Variants in SMC1B observed in about 807,000 individuals in gnomAD.
The protein encoded by SMC1B is structural maintenance of chromosomes 1B, also known as structural maintenance of chromosomes protein 1B.
SMC1B carries 60 observed loss-of-function variants against 157.9 expected under a neutral mutation model. The ratio of observed to expected loss-of-function variants is 0.38; its 90% confidence interval spans 0.31 to 0.47. SMC1B has a LOEUF of 0.47. Among genes scored for constraint, SMC1B ranks in the 20% least tolerant of loss-of-function variants. The pLI, the probability that SMC1B is intolerant of heterozygous loss-of-function variation, is 0.99. For missense variants in SMC1B, 1,165 were observed against 1,426.2 expected, an observed-to-expected ratio of 0.82 and a Z score of 2.95; for synonymous variants, 445 against 483.0, an observed-to-expected ratio of 0.92 and a Z score of 1.03.
intron 6 of SMC1B, 147 bp from the exon 7 acceptor site, chr22:45,396,633 G>A (rs940991962): frequency 2.5e-5 from 12 of 472,514 alleles, no homozygotes; most frequent in East Asian, 1.4e-4. Context: ...ACCTTCCCCC[G>A]GTAAAATAAT....
Position 45,393,720 on chromosome 22 carries a change from C to A in SMC1B, c.1459G>T (p.Ala487Ser). The A allele has an allele frequency of 1.2e-6, 2 of 1,614,116 alleles. No homozygotes were observed. The highest frequency in any genetic ancestry group is 1.7e-6 in the Non-Finnish European group (2 of 1,179,996). Residue 487 changes from alanine (A) to serine (S), a missense_variant, in exon 9 of 25, where the codon GCT becomes TCT. Coordinates refer to ENST00000357450, the MANE Select transcript of SMC1B (RefSeq NM_148674.5). ...LNLIRSELQN[A>S]GIDTHEGKRQ... is the part of the protein sequence containing the mutation. ...TTTCCCTCATGGGTATCAATCCCAG[C>A]ATTCTGCAATTCACTTCTAATAAGA...
chr22:45,395,813 C>T (rs1042421674), intron 7 of SMC1B, among the ~76,000 whole-genome samples: 2 of 152,226 alleles, frequency 1.3e-5, no homozygotes, highest in South Asian at 2.1e-4. Flanking sequence ...ACCGAGATCG[C>T]GTCATTGCAC....
chr22:45,388,732 T>G (rs562507249), intron 10 of SMC1B, among the ~76,000 whole-genome samples: 62 of 152,010 alleles, frequency 4.1e-4, no homozygotes, highest in Middle Eastern at 3.4e-3. Context: ...ATCCCAGCAC[T>G]TTGGGAGACC....
At chr22:45,398,311 G>A (rs547896978) in intron 6 of SMC1B, among the ~76,000 whole-genome samples, 27 of 152,298 alleles carry the variant, frequency 1.8e-4, no homozygotes, top group Admixed American at 1.4e-3. Flanking sequence ...CTTCTGTGCC[G>A]GTACTTGGAA....
chr22:45,363,550 G>T (rs760684121), intron 15 of SMC1B, among the ~76,000 whole-genome samples: 1 of 152,006 alleles, frequency 6.6e-6, no homozygotes, highest in Admixed American at 6.6e-5. Context: ...GCTTGGTGGC[G>T]TGTACCTACA....
At chr22:45,377,220 T>C (rs2086891366) in intron 12 of SMC1B, among the ~76,000 whole-genome samples, 1 of 152,240 alleles carries the variant, frequency 6.6e-6, no homozygotes, top group South Asian at 2.1e-4. Flanking sequence ...CATGTATGTT[T>C]GCGTCTAGCT....
At chr22:45,350,953 CTG>C (rs1369265944) in intron 22 of SMC1B, among the ~76,000 whole-genome samples, 2 of 152,204 alleles carry the variant, frequency 1.3e-5, no homozygotes, top group African/African-American at 4.8e-5. Context: ...TGTGCTCACT[CTG>C]GCCTCGGGGC....
chr22:45,379,723 C>CTTTTTTTTTTTT (rs136583), intron 12 of SMC1B, among the ~76,000 whole-genome samples: 1 of 91,480 alleles, frequency 1.1e-5, no homozygotes, highest in Non-Finnish European at 2.0e-5. Flanking sequence ...TTTCTTTTTA[C>CTTTTTTTTTTTT]TTTTTTTTTT....
At chr22:45,365,697 C>A (rs1405449653) in intron 15 of SMC1B, among the ~76,000 whole-genome samples, 1 of 152,030 alleles carries the variant, frequency 6.6e-6, no homozygotes, top group Non-Finnish European at 1.5e-5. Flanking sequence ...CAGAGTGAGA[C>A]CCTGAATTAA....
intron 12 of SMC1B, among the ~76,000 whole-genome samples, chr22:45,378,089 A>G (rs1296631468): frequency 6.6e-6 from 1 of 152,014 alleles, no homozygotes; most frequent in Admixed American, 6.6e-5. Context: ...TAGAGTGACT[A>G]ATAAGTTCCC....
chr22:45,370,283 T>G (rs1006021631), intron 14 of SMC1B, among the ~76,000 whole-genome samples: 6 of 152,208 alleles, frequency 3.9e-5, no homozygotes, highest in African/African-American at 1.4e-4. Flanking sequence ...AGATCATAAT[T>G]GGCCTTATTA....
At chr22:45,392,965 T>G (rs573940627) in intron 9 of SMC1B, among the ~76,000 whole-genome samples, 17 of 152,064 alleles carry the variant, frequency 1.1e-4, no homozygotes, top group Admixed American at 1.3e-4. Flanking sequence ...CCCCCTAGAG[T>G]GCTAGGATTA....
intron 10 of SMC1B, among the ~76,000 whole-genome samples, chr22:45,389,425 T>C (rs547966443): frequency 5.4e-4 from 83 of 152,336 alleles, no homozygotes; most frequent in African/African-American, 1.8e-3. Context: ...ACAGAATATA[T>C]TGCTGGCTAA....
intron 9 of SMC1B, 107 bp downstream of exon 9, chr22:45,393,527 G>A: frequency 1.2e-6 from 1 of 808,652 alleles, no homozygotes; most frequent in East Asian, 2.5e-5. Context: ...AAATAATATT[G>A]CTTTGTAATA....
intron 21 of SMC1B, 55 bp downstream of exon 21, chr22:45,353,923 A>AAAAAAAAAAAAC: frequency 3.9e-6 from 4 of 1,036,896 alleles, no homozygotes; most frequent in Non-Finnish European, 4.1e-6. Context: ...AAAAAAAACA[A>AAAAAAAAAAAAC]CCACCACCGG....
At chr22:45,410,726 A>G (rs1325188034) in intron 1 of SMC1B, among the ~76,000 whole-genome samples, 1 of 152,086 alleles carries the variant, frequency 6.6e-6, no homozygotes, top group Non-Finnish European at 1.5e-5. Context: ...TAATTAATTA[A>G]TTTTCAATGC....
chr22:45,410,080 C>T (rs1483196290), intron 1 of SMC1B, among the ~76,000 whole-genome samples: 1 of 152,196 alleles, frequency 6.6e-6, no homozygotes, highest in African/African-American at 2.4e-5. Flanking sequence ...CTGAGTGACA[C>T]CAATGGGTAA....
chr22:45,394,029 T>C (rs1327185665), intron 8 of SMC1B, among the ~76,000 whole-genome samples, 188 bp from the exon 9 acceptor site: 1 of 152,042 alleles, frequency 6.6e-6, no homozygotes, highest in Admixed American at 6.6e-5. Context: ...CTTTGTTGAT[T>C]TGAAAAATGT....
In SMC1B at chr22:45,372,301, A is replaced by G. The variant is rs1210040784; in HGVS notation, c.2059-9T>C. ...AGTGTCTTCATTAAACCCTAAAAGG[A>G]AAGAAAAACATGAGAATATTTTATG... is the stretch of plus-strand genomic sequence containing the variant. On this transcript the variant is annotated splice_polypyrimidine_tract_variant and intron_variant, in intron 12 of 24. Coordinates refer to ENST00000357450, the MANE Select transcript of SMC1B (RefSeq NM_148674.5). 2 of 1,568,172 alleles carry G rather than the reference A, an allele frequency of 1.3e-6. No homozygotes were observed. Among genetic ancestry groups the G allele is most frequent in the South Asian group, 2.4e-5 (2 of 83,614 alleles).
Sources: allele counts gnomAD v4.1 joint callset (sites outside exome capture counted in the v4.1 genomes callset), GRCh38; gene constraint gnomAD v4.1.1; transcripts MANE v1.5; gene names NCBI Gene and HGNC (gene_info 2026-07-23, HGNC 2026-07-21).